OTOGL: variants seen among roughly 807,000 people sequenced by gnomAD.
OTOGL encodes otogelin like.
Under a neutral mutation model 318.5 loss-of-function variants are expected in OTOGL, and 285 were observed. The ratio of observed to expected loss-of-function variants is 0.89; its 90% CI spans 0.81 to 0.99. The LOEUF (loss-of-function observed/expected upper bound fraction) is 0.99. OTOGL is among the 50% of genes least tolerant of loss of function. The pLI is 0.00. For missense variants in OTOGL, 2,899 were observed against 2,845.6 expected, an observed-to-expected ratio of 1.02 and a Z score of -0.43; for synonymous variants, 987 against 936.5, an observed-to-expected ratio of 1.05 and a Z score of -0.99.
intron 29 of OTOGL, among the ~76,000 whole-genome samples, chr12:80,309,504 T>G (rs537091747): frequency 6.6e-6 from 1 of 151,982 alleles, no homozygotes; most frequent in South Asian, 2.1e-4. Flanking sequence ...AAAGTTAATT[T>G]TGGTTGTGGT....
intron 1 of OTOGL, among the ~76,000 whole-genome samples, chr12:80,205,850 A>G (rs908848374): frequency 6.6e-6 from 1 of 152,230 alleles, no homozygotes; most frequent in Non-Finnish European, 1.5e-5. Context: ...AAAAATGATG[A>G]GCTTCATTAC....
chr12:80,110,866 C>G (rs909214187), intron 1 of OTOGL, among the ~76,000 whole-genome samples: 1 of 152,238 alleles, frequency 6.6e-6, no homozygotes, highest in Non-Finnish European at 1.5e-5. Context: ...TACACTCCCA[C>G]CAACAGTGTA....
In OTOGL at chr12:80,350,759, C is replaced by T. The variant is rs145479923; in HGVS notation, c.5266-1536C>T. 1.8e-3 allele frequency among the ~76,000 whole-genome samples: 270 copies of T among 152,036 alleles called. 1 individual carries two copies. Among genetic ancestry groups the T allele is most frequent in the Middle Eastern group, 6.8e-3 (2 of 294 alleles). ...CATTTTTAAATTGGGTTATTTGTTT[C>T]CTTGTTATTGAGTTGTTTGAATTCC... On this transcript the variant is annotated intron_variant, in intron 44 of 58. Transcript: ENST00000547103.
intron 35 of OTOGL, among the ~76,000 whole-genome samples, chr12:80,326,460 T>G (rs1887685175): frequency 6.6e-6 from 1 of 152,162 alleles, no homozygotes; most frequent in Non-Finnish European, 1.5e-5. Context: ...TAAAGACATT[T>G]TAAGGAACAG....
Position 80,320,562 on chromosome 12 carries a change from C to G in OTOGL, c.3943C>G (p.Leu1315Val). Residue 1315 changes from leucine (L) to valine (V), a missense_variant, in exon 34 of 59, where the codon CTC becomes GTC. Leu to Val is a conservative substitution (Grantham distance 32). This residue lies in a region of OTOGL where 2,607 missense variants were observed against 2,524.9 expected (regional missense o/e 1.03). Coordinates refer to ENST00000547103, the MANE Select transcript of OTOGL (RefSeq NM_001378609.3). Reference protein sequence around the residue: ...RRATFFHHQGLWIPGYSAFEL... With the variant: ...RRATFFHHQGVWIPGYSAFEL... ...AGCAACATTTTTCCACCATCAGGGC[C>G]TCTGGATTCCTGGTTACAGTGCATT... 1 of 1,613,510 alleles carries G rather than the reference C, an allele frequency of 6.2e-7. No homozygotes were observed. The highest frequency in any genetic ancestry group is 8.5e-7 in the Non-Finnish European group (1 of 1,179,694).
Position 80,222,246 on chromosome 12 carries a change from G to A in OTOGL, c.489+1G>A. 1.3e-6 allele frequency: 2 copies of A among 1,574,072 alleles called. No homozygotes were observed. The highest frequency in any genetic ancestry group is 2.3e-5 in the South Asian group (2 of 87,688). ...TTTGGAGCCTCGGTACACTGTATGG[G>A]TAGGTGATTGTAGGACATGATTAAC... On this transcript the variant is annotated splice_donor_variant, in intron 7 of 58. Coordinates refer to ENST00000547103, the MANE Select transcript of OTOGL (RefSeq NM_001378609.3). LOFTEE classifies it high-confidence loss of function.
chr12:80,221,453 G>C lies in OTOGL; in HGVS notation c.335-638G>C, dbSNP rs988683518. Reference sequence around the variant, plus strand: ...CTGGCTAATTTTTTGTATTTTAGTAGAGACGGAGTTTCACCATGTTACCCA... The same window carrying C: ...CTGGCTAATTTTTTGTATTTTAGTACAGACGGAGTTTCACCATGTTACCCA... On this transcript the variant is annotated intron_variant, in intron 6 of 58. Transcript: ENST00000547103. Among the ~76,000 whole-genome samples the C allele has an allele frequency of 8.6e-5, 13 of 151,830 alleles. 1 individual carries two copies. The highest frequency in any genetic ancestry group is 7.9e-4 in the Admixed American group (12 of 15,234).
chr12:80,152,391 A>G (rs1441413736), intron 1 of OTOGL, among the ~76,000 whole-genome samples: 1 of 152,170 alleles, frequency 6.6e-6, no homozygotes. Flanking sequence ...TTGCTAAGGA[A>G]GATGCTGAGA....
At chr12:80,296,378 C>G (rs1028668359) in intron 26 of OTOGL, among the ~76,000 whole-genome samples, 1 of 152,152 alleles carries the variant, frequency 6.6e-6, no homozygotes, top group Non-Finnish European at 1.5e-5. Flanking sequence ...ATTTTATTTA[C>G]TAACAAATAC....
intron 18 of OTOGL, among the ~76,000 whole-genome samples, chr12:80,260,025 C>G (rs1325387848): frequency 6.6e-6 from 1 of 151,954 alleles, no homozygotes; most frequent in Non-Finnish European, 1.5e-5. Context: ...GGTTTCTTGT[C>G]TTGTTTATCT....
rs375601863 is a variant in OTOGL at position 80,254,507 on chromosome 12, T to G, written c.1395-17T>G. The G allele has an allele frequency of 2.1e-5, 33 of 1,594,496 alleles. No individual in the cohort carries two copies. The African/African-American group carries it at 4.2e-4, about 20-fold the overall frequency. On this transcript the variant is annotated splice_polypyrimidine_tract_variant and intron_variant, in intron 14 of 58. Transcript: ENST00000547103. ...TTCTCTATGCCAATAGATTAATATT[T>G]TTATAATTTCTTTTAGTGTGTGTGT...
At chr12:80,266,190 C>CTGCAAAGCTGAAAATATTTACCATT (rs1253809673) in intron 20 of OTOGL, 38 of 439,880 alleles carry the variant, frequency 8.6e-5, no homozygotes, top group Non-Finnish European at 6.6e-5. Flanking sequence ...ATATATAGTT[C>CTGCAAAGCTGAAAATATTTACCATT]TGCAAAGCTG....
chr12:80,320,033 T>G (rs1887218650), intron 33 of OTOGL, among the ~76,000 whole-genome samples: 1 of 152,180 alleles, frequency 6.6e-6, no homozygotes, highest in African/African-American at 2.4e-5. Context: ...ATTAGTAGGT[T>G]TTGTACATTT....
chr12:80,308,572 G>A (rs1465668136), intron 29 of OTOGL, among the ~76,000 whole-genome samples: 3 of 152,108 alleles, frequency 2.0e-5, no homozygotes, highest in African/African-American at 4.8e-5. Flanking sequence ...GGTGGCGGCC[G>A]GGCAGAGGCT....
At chr12:80,260,962 G>A (rs1882479876) in intron 18 of OTOGL, among the ~76,000 whole-genome samples, 1 of 152,044 alleles carries the variant, frequency 6.6e-6, no homozygotes. Context: ...TTGTACTAGG[G>A]TGTTTGTTGC....
chr12:80,280,245 T>C (rs1884125921), intron 26 of OTOGL, among the ~76,000 whole-genome samples: 1 of 151,850 alleles, frequency 6.6e-6, no homozygotes, highest in African/African-American at 2.4e-5. Flanking sequence ...ATTCTGTAGG[T>C]TTTCTGTTTA....
At chr12:80,183,535 T>A (rs993834744) in intron 1 of OTOGL, among the ~76,000 whole-genome samples, 2 of 152,236 alleles carry the variant, frequency 1.3e-5, no homozygotes, top group African/African-American at 4.8e-5. Context: ...ACATGCTAAG[T>A]TTGTAGTCTT....
At chr12:80,376,719 T>C (rs1254863411) in intron 57 of OTOGL, among the ~76,000 whole-genome samples, 1 of 152,134 alleles carries the variant, frequency 6.6e-6, no homozygotes, top group African/African-American at 2.4e-5. Context: ...TTGATGTATA[T>C]ATGTAGTTAT....
chr12:80,328,471 C>T (rs905082676), intron 35 of OTOGL, among the ~76,000 whole-genome samples, 194 bp from the exon 36 acceptor site: 1 of 152,124 alleles, frequency 6.6e-6, no homozygotes, highest in African/African-American at 2.4e-5. Flanking sequence ...AATTTTAATC[C>T]TATTCTCTTA....
Sources: allele counts gnomAD v4.1 joint callset (sites outside exome capture counted in the v4.1 genomes callset), GRCh38; gene constraint gnomAD v4.1.1; regional missense constraint gnomAD v4.1.1; transcripts MANE v1.5; gene names NCBI Gene and HGNC (gene_info 2026-07-23, HGNC 2026-07-21).